KIF16B: variants seen among roughly 807,000 people sequenced by gnomAD.
KIF16B encodes the protein kinesin family member 16B.
A neutral mutation model predicts 156.3 loss-of-function variants in KIF16B; 98 were observed. The observed-to-expected ratio is 0.63, with a 90% CI of 0.53 to 0.74. The LOEUF is 0.74. Ranked by LOEUF, KIF16B falls within the 30% of genes least tolerant of loss-of-function variation. The pLI, the probability that KIF16B is intolerant of heterozygous loss-of-function variation, is 0.00. For missense variants in KIF16B, 1,421 were observed against 1,606.5 expected (o/e 0.88, Z 1.97); for synonymous variants, 564 against 583.7 (o/e 0.97, Z 0.49).
chr20:16,302,401 T>C (rs1170480452), intron 25 of KIF16B, among the ~76,000 whole-genome samples: 1 of 152,226 alleles, frequency 6.6e-6, no homozygotes, highest in Non-Finnish European at 1.5e-5. Flanking sequence ...CTTCATTTTA[T>C]TGCCTTTGCT....
At chr20:16,560,154 C>T (rs974720871) in intron 1 of KIF16B, among the ~76,000 whole-genome samples, 1 of 152,164 alleles carries the variant, frequency 6.6e-6, no homozygotes, top group African/African-American at 2.4e-5. Context: ...ACCACTGATA[C>T]CTTCTCACAA....
intron 22 of KIF16B, 71 bp from the exon 23 acceptor site, chr20:16,356,523 G>C: frequency 6.5e-7 from 1 of 1,549,284 alleles, no homozygotes. Flanking sequence ...ATCCTGCTCG[G>C]GTAGGAGGGA....
chr20:16,507,653 A>G (rs1037851983), intron 7 of KIF16B, among the ~76,000 whole-genome samples: 1 of 152,214 alleles, frequency 6.6e-6, no homozygotes. Context: ...TATCCCACAG[A>G]GTTTGCAACA....
chr20:16,334,630 G>A (rs1296307557), intron 24 of KIF16B, among the ~76,000 whole-genome samples: 1 of 152,272 alleles, frequency 6.6e-6, no homozygotes, highest in Non-Finnish European at 1.5e-5. Flanking sequence ...AGTAGGAGGT[G>A]TTGGATCTTG....
intron 24 of KIF16B, among the ~76,000 whole-genome samples, chr20:16,322,826 T>G (rs537220075): frequency 1.4e-4 from 22 of 152,162 alleles, no homozygotes; most frequent in African/African-American, 5.3e-4. Context: ...CCTTTTCTCT[T>G]GGCAAAGTTC....
chr20:16,511,257 C>T (rs537263162), intron 6 of KIF16B, among the ~76,000 whole-genome samples, 161 bp downstream of exon 6: 12 of 152,112 alleles, frequency 7.9e-5, no homozygotes, highest in East Asian at 1.9e-4. Flanking sequence ...AATTCACTAA[C>T]GGAACATCAT....
At chr20:16,510,775 C>CA (rs112926173) in intron 6 of KIF16B, among the ~76,000 whole-genome samples, 2,973 of 152,318 alleles carry the variant, frequency 0.02, 94 homozygotes, top group African/African-American at 0.066. Context: ...TCCACAAAGA[C>CA]ACAAATGAAG....
At chr20:16,508,158 CA>C in intron 6 of KIF16B, 58 bp from the exon 7 acceptor site, 1 of 1,566,680 alleles carries the variant, frequency 6.4e-7, no homozygotes, top group Non-Finnish European at 8.7e-7. Flanking sequence ...AAATGGAATA[CA>C]AAATTACCCT....
chr20:16,560,902 T>A (rs2071033544), intron 1 of KIF16B, among the ~76,000 whole-genome samples: 2 of 152,214 alleles, frequency 1.3e-5, no homozygotes, highest in African/African-American at 4.8e-5. Flanking sequence ...TACCAACTTC[T>A]TCTCTGGATA....
intron 15 of KIF16B, among the ~76,000 whole-genome samples, chr20:16,415,263 C>T (rs1037662779): frequency 6.6e-6 from 1 of 152,118 alleles, no homozygotes; most frequent in African/African-American, 2.4e-5. Flanking sequence ...TCCATTCTTG[C>T]CCAGTAGTCC....
intron 25 of KIF16B, among the ~76,000 whole-genome samples, chr20:16,276,949 T>A (rs1036515390): frequency 2.6e-5 from 4 of 152,212 alleles, no homozygotes; most frequent in African/African-American, 9.7e-5. Flanking sequence ...AATATATCTA[T>A]GCCATCAGCA....
At chr20:16,307,600 T>C (rs897338223) in intron 25 of KIF16B, among the ~76,000 whole-genome samples, 4 of 152,240 alleles carry the variant, frequency 2.6e-5, no homozygotes, top group Admixed American at 6.5e-5. Flanking sequence ...CAAAGTGTGG[T>C]CCATGTTTCA....
intron 23 of KIF16B, among the ~76,000 whole-genome samples, chr20:16,342,339 CAG>C (rs2064154273): frequency 6.6e-6 from 1 of 152,092 alleles, no homozygotes; most frequent in Admixed American, 6.6e-5. Flanking sequence ...ACTCTCATTG[CAG>C]AGATACACAT....
intron 1 of KIF16B, among the ~76,000 whole-genome samples, chr20:16,566,381 G>A (rs545227799): frequency 7.2e-5 from 11 of 152,262 alleles, no homozygotes; most frequent in African/African-American, 2.4e-4. Flanking sequence ...CTTGGCAAAT[G>A]GTAAATAAAA....
chr20:16,528,331 G>A, intron 2 of KIF16B, 40 bp downstream of exon 2: 4 of 1,486,880 alleles, frequency 2.7e-6, no homozygotes, highest in South Asian at 1.1e-5. Context: ...AAGCAATCAT[G>A]GGGCTCTTGG....
At chr20:16,431,514 T>A (rs530899187) in intron 12 of KIF16B, among the ~76,000 whole-genome samples, 12 of 152,286 alleles carry the variant, frequency 7.9e-5, no homozygotes, top group African/African-American at 2.9e-4. Flanking sequence ...CTTTTGTGGT[T>A]GCTGTTTCCT....
At chr20:16,547,980 C>T (rs910981995) in intron 1 of KIF16B, among the ~76,000 whole-genome samples, 3 of 152,144 alleles carry the variant, frequency 2.0e-5, no homozygotes, top group Non-Finnish European at 2.9e-5. Flanking sequence ...CAGAGGGAAG[C>T]GAGTGTCAGC....
At chr20:16,338,956 CA>C (rs1184483683) in intron 23 of KIF16B, among the ~76,000 whole-genome samples, 6 of 152,080 alleles carry the variant, frequency 3.9e-5, no homozygotes, top group Non-Finnish European at 8.8e-5. Flanking sequence ...AAATTGATGA[CA>C]TCAAAAATTT....
rs974299699 is a variant in KIF16B at position 16,350,503 on chromosome 20, A to G, written c.3621+5827T>C. ...CAGCCCAGAGCCAGGACATGGGTAT[A>G]CTGGAGCGCTGGAGGGTGGTGCTGA... On this transcript the variant is annotated intron_variant, in intron 23 of 25. Transcript: ENST00000354981. 2.0e-5 allele frequency among the ~76,000 whole-genome samples: 3 copies of G among 152,036 alleles called. No individual in the cohort carries two copies. In the East Asian group the frequency reaches 5.8e-4, roughly 29 times the overall value.
Sources: gnomAD v4.1 joint callset for allele counts (sites outside exome capture counted in the v4.1 genomes callset) on GRCh38, gnomAD v4.1.1 for gene constraint, MANE v1.5 for transcripts, NCBI Gene and HGNC (gene_info 2026-07-23, HGNC 2026-07-21) for gene names.